The following JPH3 variants were observed in gnomAD, a reference collection of about 807,000 sequenced individuals.
JPH3 encodes the protein junctophilin-3.
Under a neutral mutation model 59.6 loss-of-function variants are expected in JPH3, and 11 were observed. The observed-to-expected ratio is 0.18, with a 90% CI of 0.12 to 0.31. The LOEUF (loss-of-function observed/expected upper bound fraction) is 0.31. Ranked by LOEUF, JPH3 falls within the 10% of genes least tolerant of loss-of-function variation. The probability of loss-of-function intolerance (pLI) is 1.00; values close to 1 mark genes in which losing one functional copy is unlikely to be tolerated. For synonymous variants in JPH3, 673 were observed against 483.6 expected (o/e 1.39, Z -5.14); for missense variants, 1,202 against 1,105.7 (o/e 1.09, Z -1.24).
At chr16:87,665,036 G>A (rs189645373) in intron 2 of JPH3, among the ~76,000 whole-genome samples, 8 of 152,340 alleles carry the variant, frequency 5.3e-5, no homozygotes, top group Admixed American at 3.3e-4. Context: ...ACAAATGGTC[G>A]GTGCTCCTTG....
chr16:87,695,643 T>C (rs1205663195), intron 4 of JPH3: 1 of 456,030 alleles, frequency 2.2e-6, no homozygotes, highest in African/African-American at 2.0e-5. Context: ...GAGGCGTCCA[T>C]TCCCTGTGCA....
chr16:87,692,136 T>C (rs2142840361), intron 4 of JPH3, among the ~76,000 whole-genome samples: 1 of 151,600 alleles, frequency 6.6e-6, no homozygotes, highest in East Asian at 1.9e-4. Context: ...CCCTGGAGGA[T>C]GCCAGCTGAG....
intron 1 of JPH3, among the ~76,000 whole-genome samples, chr16:87,632,357 C>T (rs888426699): frequency 6.6e-6 from 1 of 152,248 alleles, no homozygotes; most frequent in Non-Finnish European, 1.5e-5. Context: ...AGAAACTTTT[C>T]TTCCTGGGTT....
At chr16:87,655,311 G>T (rs952524491) in intron 2 of JPH3, among the ~76,000 whole-genome samples, 71 of 152,190 alleles carry the variant, frequency 4.7e-4, no homozygotes, top group African/African-American at 1.7e-3. Context: ...CTGAGCCTCT[G>T]TCTCCCTGGT....
At chr16:87,642,383 C>G (rs1039420478) in intron 1 of JPH3, among the ~76,000 whole-genome samples, 8 of 152,210 alleles carry the variant, frequency 5.3e-5, no homozygotes, top group Admixed American at 5.2e-4. Flanking sequence ...ATTTTGTCCT[C>G]TGAAAAGAGA....
At chr16:87,632,861 C>A (rs1175061453) in intron 1 of JPH3, among the ~76,000 whole-genome samples, 1 of 151,762 alleles carries the variant, frequency 6.6e-6, no homozygotes, top group African/African-American at 2.4e-5. Flanking sequence ...CCACTGCACT[C>A]CAGCCTGCAC....
intron 3 of JPH3, among the ~76,000 whole-genome samples, chr16:87,689,117 G>C (rs910552366): frequency 2.6e-5 from 4 of 152,144 alleles, no homozygotes; most frequent in Non-Finnish European, 5.9e-5. Context: ...GAAAGGTGGG[G>C]AGGGAAGTCG....
intron 2 of JPH3, among the ~76,000 whole-genome samples, chr16:87,678,408 A>G (rs2033203418): frequency 6.6e-6 from 1 of 152,012 alleles, no homozygotes; most frequent in African/African-American, 2.4e-5. Context: ...GCTTGGTGGC[A>G]CATACCTGTA....
chr16:87,692,152 TG>T (rs1033632550), intron 4 of JPH3, among the ~76,000 whole-genome samples: 25 of 151,976 alleles, frequency 1.6e-4, no homozygotes, highest in African/African-American at 4.8e-4. Flanking sequence ...CTGAGCTCCT[TG>T]GAAGTGGCCA....
chr16:87,677,180 A>ATC (rs1278131245), intron 2 of JPH3, among the ~76,000 whole-genome samples: 2 of 83,452 alleles, frequency 2.4e-5, no homozygotes, highest in Admixed American at 2.8e-4. Context: ...CGCACTATAT[A>ATC]TATATACACA....
chr16:87,695,345 G>A (rs1441053661), intron 4 of JPH3: 1 of 456,008 alleles, frequency 2.2e-6, no homozygotes, highest in African/African-American at 2.0e-5. Context: ...CAGGGAGGGG[G>A]AGGAGAGTAG....
intron 1 of JPH3, among the ~76,000 whole-genome samples, chr16:87,631,509 C>T (rs1029225616): frequency 1.3e-5 from 2 of 152,170 alleles, no homozygotes; most frequent in African/African-American, 4.8e-5. Flanking sequence ...TTATGTTTCT[C>T]TGGAAGCATT....
Position 87,631,999 on chromosome 16 carries a change from A to T in JPH3, c.383-12259A>T, listed in dbSNP as rs183752831. Reference sequence around the variant, plus strand: ...TGATTCCCCCTCTTTTTTCCCACTTATTTGTAAGTTTTGGTCTTTTTTGTC... The same window carrying T: ...TGATTCCCCCTCTTTTTTCCCACTTTTTTGTAAGTTTTGGTCTTTTTTGTC... On this transcript the variant is annotated intron_variant, in intron 1 of 4. Transcript: ENST00000284262. Among the ~76,000 whole-genome samples the T allele has an allele frequency of 2.0e-5, 3 of 150,962 alleles. No homozygotes were observed. The East Asian group carries it at 5.8e-4, about 29-fold the overall frequency.
intron 3 of JPH3, 154 bp downstream of exon 3, chr16:87,684,420 G>A: frequency 7.7e-7 from 1 of 1,298,156 alleles, no homozygotes; most frequent in Non-Finnish European, 1.0e-6. Flanking sequence ...TCCCGCCGAA[G>A]GTGCTTGTTT....
intron 2 of JPH3, among the ~76,000 whole-genome samples, chr16:87,681,266 G>A (rs57322249): frequency 4.1e-5 from 6 of 145,288 alleles, no homozygotes; most frequent in Admixed American, 6.9e-5. Flanking sequence ...TCACGTGCGC[G>A]CGGTCGTGAC....
At position 87,696,838 on chromosome 16, in the gene JPH3, GT is replaced by G. The variant is rs1313179507; in HGVS notation, c.*184del. The G allele has an allele frequency of 9.7e-6, 6 of 616,094 alleles. No homozygotes were observed. Among genetic ancestry groups the G allele is most frequent in the Non-Finnish European group, 1.7e-5 (6 of 347,410 alleles). The allele number at this position is 616,094 out of a possible 1,614,324, so 38.2% of individuals were successfully genotyped here. A position where few individuals can be genotyped will look rare whatever the true frequency, so the allele number is the denominator to read the frequency against. ...CAGTTTGCCTTTTTTTCTGGGTAAT[GT>G]TTTTTGGATTTTAGCCAAAATTCTT... On this transcript the variant is annotated 3_prime_UTR_variant, in exon 5 of 5. Transcript: ENST00000284262.
At chr16:87,604,713 G>C in intron 1 of JPH3, 1 of 1,072,036 alleles carries the variant, frequency 9.3e-7, no homozygotes, top group Non-Finnish European at 1.2e-6. Context: ...GCCACATCCA[G>C]GAGTGGCAGG....
intron 1 of JPH3, among the ~76,000 whole-genome samples, chr16:87,618,412 G>T (rs922360948): frequency 5.9e-5 from 9 of 152,184 alleles, no homozygotes; most frequent in African/African-American, 1.9e-4. Flanking sequence ...CCTGTGCCTG[G>T]CCTTGTGGCA....
intron 1 of JPH3, among the ~76,000 whole-genome samples, chr16:87,617,483 T>A (rs1310392780): frequency 2.6e-5 from 4 of 151,816 alleles, no homozygotes; most frequent in Non-Finnish European, 5.9e-5. Context: ...GTGGAAGTTG[T>A]ATGGCTGAGT....
Sources: gnomAD v4.1 joint callset for allele counts (sites outside exome capture counted in the v4.1 genomes callset) on GRCh38, gnomAD v4.1.1 for gene constraint, MANE v1.5 for transcripts, NCBI Gene and HGNC (gene_info 2026-07-23, HGNC 2026-07-21) for gene names.